The following SERGEF variants were observed in gnomAD, a reference collection of about 807,000 sequenced individuals.
SERGEF encodes the protein secretion regulating guanine nucleotide exchange factor.
A neutral mutation model predicts 50.0 loss-of-function variants in SERGEF; 51 were observed. The ratio of observed to expected loss-of-function variants is 1.02; its 90% CI spans 0.81 to 1.29. The LOEUF (loss-of-function observed/expected upper bound fraction) is 1.29, where lower values mean the gene tolerates loss of function less well. Among genes scored for constraint, SERGEF ranks in the 50% most tolerant of loss-of-function variants. The pLI, the probability that SERGEF is intolerant of heterozygous loss-of-function variation, is 0.00. For missense variants in SERGEF, 521 were observed against 557.0 expected (o/e 0.94, Z 0.65); for synonymous variants, 205 against 212.4 (o/e 0.97, Z 0.30).
intron 9 of SERGEF, among the ~76,000 whole-genome samples, chr11:17,889,402 A>G (rs1851491102): frequency 6.6e-6 from 1 of 152,240 alleles, no homozygotes; most frequent in African/African-American, 2.4e-5. Context: ...AACATCACTT[A>G]TTTAGTATTC....
chr11:17,855,773 A>C (rs865849010), intron 10 of SERGEF: 1 of 152,250 alleles, frequency 6.6e-6, no homozygotes, highest in Non-Finnish European at 1.5e-5. Context: ...GATTTGAAGC[A>C]AAGGGGCCTG....
rs376599345 is a variant in SERGEF, at chr11:17,838,991, T to G, written c.1048+39217A>C. On this transcript the variant is annotated intron_variant, in intron 10 of 10. Coordinates refer to ENST00000265965, the MANE Select transcript of SERGEF (RefSeq NM_012139.4). ...CTTGCAGAGCCATGTTCTCTTAATCTGAATAAAAGGGCCAAGAACCCTGCC... is the reference window on the plus strand; with the variant it reads ...CTTGCAGAGCCATGTTCTCTTAATCGGAATAAAAGGGCCAAGAACCCTGCC... Among the ~76,000 whole-genome samples the G allele has an allele frequency of 1.3e-4, 20 of 152,318 alleles. No individual in the cohort carries two copies. The East Asian group carries it at 3.1e-3, about 23-fold the overall frequency.
chr11:17,892,693 C>T (rs1162416784), intron 9 of SERGEF, among the ~76,000 whole-genome samples: 1 of 152,222 alleles, frequency 6.6e-6, no homozygotes, highest in Non-Finnish European at 1.5e-5. Context: ...CAAGTGTATT[C>T]ACTGTTAATG....
chr11:17,975,731 C>T (rs954851532), intron 8 of SERGEF, among the ~76,000 whole-genome samples: 7 of 152,190 alleles, frequency 4.6e-5, no homozygotes. Flanking sequence ...CACACACCTC[C>T]ACTCCTCACA....
intron 4 of SERGEF, chr11:18,000,954 G>A (rs1853948191): frequency 2.9e-6 from 1 of 349,220 alleles, no homozygotes; most frequent in Admixed American, 3.9e-5. Flanking sequence ...GAGCATGACT[G>A]TGTGCCAGTA....
intron 6 of SERGEF, among the ~76,000 whole-genome samples, chr11:17,993,488 A>AC (rs1445952308): frequency 6.6e-6 from 1 of 152,082 alleles, no homozygotes; most frequent in Non-Finnish European, 1.5e-5. Flanking sequence ...CACTTAAATA[A>AC]CCCCAAGCCT....
rs1852163201 is a variant in SERGEF, at chr11:17,921,881, C to T, written c.1011+37589G>A. Among the ~76,000 whole-genome samples, 3 of 152,168 alleles carry T rather than the reference C, an allele frequency of 2.0e-5. No individual in the cohort carries two copies. In the South Asian group the frequency reaches 6.2e-4, roughly 31 times the overall value. On this transcript the variant is annotated intron_variant, in intron 9 of 10. Coordinates refer to ENST00000265965, the MANE Select transcript of SERGEF (RefSeq NM_012139.4). Reference sequence around the variant, plus strand: ...CAGGGGGAACAGATGGTCATGAGACCTGCAATGGCCCCTCTTTTTTTGTTA... The same window carrying T: ...CAGGGGGAACAGATGGTCATGAGACTTGCAATGGCCCCTCTTTTTTTGTTA...
At chr11:17,943,443 T>C (rs1852598304) in intron 9 of SERGEF, among the ~76,000 whole-genome samples, 1 of 152,168 alleles carries the variant, frequency 6.6e-6, no homozygotes, top group South Asian at 2.1e-4. Flanking sequence ...TTTCTAATAT[T>C]TGCATTTTGT....
intron 9 of SERGEF, among the ~76,000 whole-genome samples, chr11:17,900,497 T>G (rs1851728764): frequency 6.6e-6 from 1 of 152,244 alleles, no homozygotes; most frequent in South Asian, 2.1e-4. Flanking sequence ...CTAACTTTCC[T>G]ATTTGATATA....
chr11:17,998,917 G>A (rs1853902558), intron 5 of SERGEF, among the ~76,000 whole-genome samples: 1 of 151,852 alleles, frequency 6.6e-6, no homozygotes, highest in African/African-American at 2.4e-5. Context: ...GAAAATAAAT[G>A]TCTGTTCTTT....
chr11:17,850,740 C>A (rs1037786974), intron 10 of SERGEF, among the ~76,000 whole-genome samples: 43 of 152,214 alleles, frequency 2.8e-4, no homozygotes, highest in Non-Finnish European at 1.3e-4. Context: ...TATTTTCCCA[C>A]TCTATCACAT....
At chr11:17,796,344 A>C (rs1477539637) in intron 10 of SERGEF, among the ~76,000 whole-genome samples, 1 of 152,142 alleles carries the variant, frequency 6.6e-6, no homozygotes, top group African/African-American at 2.4e-5. Context: ...CTATGGTTTG[A>C]ATGTGTTCCC....
intron 8 of SERGEF, among the ~76,000 whole-genome samples, chr11:17,978,524 AT>A (rs1440412404): frequency 6.6e-6 from 1 of 152,198 alleles, no homozygotes; most frequent in African/African-American, 2.4e-5. Flanking sequence ...GTGAAAAATC[AT>A]TAAGACCAGG....
intron 10 of SERGEF, among the ~76,000 whole-genome samples, chr11:17,848,738 T>C (rs1316971236): frequency 6.6e-6 from 1 of 152,164 alleles, no homozygotes; most frequent in Non-Finnish European, 1.5e-5. Context: ...TCTTTAACCA[T>C]AAAGTTTTTT....
At chr11:17,814,203 T>C (rs1023728784) in intron 10 of SERGEF, among the ~76,000 whole-genome samples, 14 of 152,216 alleles carry the variant, frequency 9.2e-5, no homozygotes, top group Non-Finnish European at 2.1e-4. Context: ...AGGTATTTTT[T>C]AGATGTGACT....
chr11:17,810,892 G>A (rs1849857930), intron 10 of SERGEF, among the ~76,000 whole-genome samples: 1 of 152,018 alleles, frequency 6.6e-6, no homozygotes, highest in African/African-American at 2.4e-5. Flanking sequence ...CCACCGGACT[G>A]GGGGTGAGAA....
chr11:17,962,352 C>A (rs1853021823), intron 8 of SERGEF, among the ~76,000 whole-genome samples: 1 of 151,412 alleles, frequency 6.6e-6, no homozygotes, highest in Non-Finnish European at 1.5e-5. Flanking sequence ...AAAAAAAAAA[C>A]AATGAATCCA....
At chr11:17,865,419 C>T (rs1400944868) in intron 10 of SERGEF, among the ~76,000 whole-genome samples, 2 of 151,784 alleles carry the variant, frequency 1.3e-5, no homozygotes, top group African/African-American at 4.8e-5. Context: ...TGTAAAAATA[C>T]CTCCTAAAAG....
intron 10 of SERGEF, among the ~76,000 whole-genome samples, chr11:17,825,676 C>T (rs1295063994): frequency 6.6e-6 from 1 of 152,136 alleles, no homozygotes; most frequent in Non-Finnish European, 1.5e-5. Flanking sequence ...TGGTTTCCTA[C>T]TTTAGAGCTT....
Sources: gnomAD v4.1 joint callset for allele counts (sites outside exome capture counted in the v4.1 genomes callset) on GRCh38, gnomAD v4.1.1 for gene constraint, MANE v1.5 for transcripts, NCBI Gene and HGNC (gene_info 2026-07-23, HGNC 2026-07-21) for gene names.